Variants in CAPS2 observed in about 807,000 individuals in gnomAD.
CAPS2 encodes the protein calcyphosine 2, also known as calcyphosin-2.
Under a neutral mutation model 86.5 loss-of-function variants are expected in CAPS2, and 98 were observed. The ratio of observed to expected loss-of-function variants is 1.13; its 90% CI spans 0.96 to 1.34. The LOEUF (loss-of-function observed/expected upper bound fraction) is 1.34, where lower values mean the gene tolerates loss of function less well. CAPS2 is among the 40% of genes most tolerant of loss of function. The pLI is 0.00. For synonymous variants in CAPS2, 210 were observed against 225.1 expected (o/e 0.93, Z 0.60); for missense variants, 729 against 686.8 (o/e 1.06, Z -0.69).
chr12:75,339,979 C>G (rs1215873379), intron 1 of CAPS2, among the ~76,000 whole-genome samples: 2 of 152,064 alleles, frequency 1.3e-5, no homozygotes, highest in Non-Finnish European at 2.9e-5. Flanking sequence ...TTAGCTCCCA[C>G]TTAGAAGTGA....
At chr12:75,332,206 C>A (rs576168691), upstream of CAPS2, among the ~76,000 whole-genome samples, 1 of 152,276 alleles carries the variant, frequency 6.6e-6, no homozygotes, top group Non-Finnish European at 1.5e-5. Context: ...TTGTTACAGG[C>A]AGTTAATTTC....
Position 75,347,708 on chromosome 12 carries a change from C to T in CAPS2, c.-394-24486G>A, listed in dbSNP as rs1226035137. ...GAGCTTCAACTGCAATATTTGTATG[C>T]AACTACGGACCTGCGTGAGTTATTT... On this transcript the variant is annotated intron_variant, in intron 1 of 5. Coordinates refer to the CAPS2 transcript ENST00000551829. The T allele has an allele frequency of 1.9e-6, 3 of 1,594,902 alleles. No homozygotes were observed. In the African/African-American group the frequency reaches 4.0e-5, roughly 21 times the overall value.
chr12:75,390,846 AG>A (rs768357936), exon 1 of CAPS2: 3 of 652,290 alleles, frequency 4.6e-6, no homozygotes, highest in Admixed American at 4.2e-5. Context: ...ACGTAACACA[AG>A]TCTTTCTTTA....
In CAPS2 at chr12:75,298,864, G is replaced by A. The variant is rs1332035773; in HGVS notation, c.950+7C>T. ...CTCCAGAGTTCTAACAATGTTTAATGGCATACCTATTTTTCCCAAATTGTC... is the reference window on the plus strand; with the variant it reads ...CTCCAGAGTTCTAACAATGTTTAATAGCATACCTATTTTTCCCAAATTGTC... On this transcript the variant is annotated splice_region_variant and intron_variant, in intron 10 of 16. Transcript: ENST00000393284. 4 of 1,602,128 alleles carry A rather than the reference G, an allele frequency of 2.5e-6. No homozygotes were observed. The highest frequency in any genetic ancestry group is 3.4e-6 in the Non-Finnish European group (4 of 1,170,774).
chr12:75,339,928 C>T (rs543114486), intron 1 of CAPS2, among the ~76,000 whole-genome samples: 48 of 152,224 alleles, frequency 3.2e-4, no homozygotes, highest in Admixed American at 4.6e-4. Context: ...CCACTCTTCC[C>T]CATGAGTCCC....
intron 1 of CAPS2, among the ~76,000 whole-genome samples, chr12:75,372,449 T>C (rs765216427): frequency 2.8e-4 from 42 of 152,308 alleles, no homozygotes; most frequent in Non-Finnish European, 4.6e-4. Flanking sequence ...ATACTTCTTG[T>C]ATCTCCTGGT....
intron 7 of CAPS2, among the ~76,000 whole-genome samples, chr12:75,307,151 G>A (rs1432643157): frequency 6.6e-6 from 1 of 152,186 alleles, no homozygotes; most frequent in Non-Finnish European, 1.5e-5. Flanking sequence ...GCCCTATCTG[G>A]TCATTTGGCT....
intron 1 of CAPS2, among the ~76,000 whole-genome samples, chr12:75,349,923 T>C (rs141047627): frequency 8.0e-4 from 122 of 152,290 alleles, no homozygotes; most frequent in African/African-American, 2.8e-3. Flanking sequence ...TTAGTGGAAA[T>C]TGATTTCCTT....
chr12:75,363,432 A>G (rs1324924757), intron 1 of CAPS2, among the ~76,000 whole-genome samples: 1 of 152,146 alleles, frequency 6.6e-6, no homozygotes, highest in Non-Finnish European at 1.5e-5. Flanking sequence ...CCATGATTCA[A>G]TTTGCTGCTG....
intron 11 of CAPS2, 37 bp from the exon 12 acceptor site, chr12:75,293,404 T>G: frequency 7.6e-7 from 1 of 1,312,562 alleles, no homozygotes; most frequent in South Asian, 1.2e-5. Context: ...CTAGAAAGCA[T>G]GTAAGAAATA....
At chr12:75,283,836 T>G (rs1236562844) in intron 15 of CAPS2, among the ~76,000 whole-genome samples, 2 of 151,578 alleles carry the variant, frequency 1.3e-5, no homozygotes, top group African/African-American at 4.8e-5. Context: ...AAATAAAAGA[T>G]AGTAGGACAC....
At position 75,375,201 on chromosome 12, in the gene CAPS2, G is replaced by T. The variant is rs568300608; in HGVS notation, c.-395+15637C>A. Reference sequence around the variant, plus strand: ...TGCTAAGTATGTCTATGCCTATTACGCATTCTGGCACTGGGAAAATGACCA... The same window carrying T: ...TGCTAAGTATGTCTATGCCTATTACTCATTCTGGCACTGGGAAAATGACCA... On this transcript the variant is annotated intron_variant, in intron 1 of 5. Coordinates refer to the CAPS2 transcript ENST00000551829. Among the ~76,000 whole-genome samples, 4 of 152,226 alleles carry T rather than the reference G, an allele frequency of 2.6e-5. No homozygotes were observed. The South Asian group carries it at 8.3e-4, about 32-fold the overall frequency.
chr12:75,355,533 C>G lies in CAPS2; in HGVS notation c.-394-32311G>C, dbSNP rs1565986240. On this transcript the variant is annotated intron_variant, in intron 1 of 5. Transcript: ENST00000551829. ...TTTACACTGTTGGTGGGAATGTACA[C>G]TCCACAATAGTCAAACCATTGTAGA... Among the ~76,000 whole-genome samples, 7 of 151,958 alleles carry G rather than the reference C, an allele frequency of 4.6e-5. No homozygotes were observed. The South Asian group carries it at 1.4e-3, about 31-fold the overall frequency.
chr12:75,333,928 G>A (rs1440892481), upstream of CAPS2: 1 of 152,096 alleles, frequency 6.6e-6, no homozygotes, highest in Non-Finnish European at 1.5e-5. Context: ...GCCAAATGAC[G>A]TTGATTTATA....
At chr12:75,379,837 G>T (rs565015370) in intron 1 of CAPS2, among the ~76,000 whole-genome samples, 1 of 132,836 alleles carries the variant, frequency 7.5e-6, no homozygotes, top group Admixed American at 8.3e-5. Context: ...TTATTATTAT[G>T]ATGCATCCCT....
chr12:75,316,169 T>C (rs942740526), intron 6 of CAPS2, 143 bp downstream of exon 6: 2 of 1,013,886 alleles, frequency 2.0e-6, no homozygotes, highest in South Asian at 1.8e-5. Flanking sequence ...TTTATAAAAA[T>C]GAGGACTCAA....
At position 75,386,664 on chromosome 12, in the gene CAPS2, A is replaced by G; in HGVS notation, c.-395+4174T>C. On this transcript the variant is annotated intron_variant, in intron 1 of 5. Transcript: ENST00000551829. ...GAATTTAGGGGGACATATTCAAACA[A>G]TAGCAAAAATACAATAATTTAAAAG... Among the ~76,000 whole-genome samples, 2 of 152,202 alleles carry G rather than the reference A, an allele frequency of 1.3e-5. 1 individual carries two copies. The highest frequency in any genetic ancestry group is 2.9e-5 in the Non-Finnish European group (2 of 68,040).
chr12:75,347,717 A>G (rs1565970648), intron 1 of CAPS2: 3 of 1,585,154 alleles, frequency 1.9e-6, no homozygotes, highest in Admixed American at 3.4e-5. Context: ...GCAACTACGG[A>G]CCTGCGTGAG....
chr12:75,276,247 C>T (rs1947920737), downstream of CAPS2: 2 of 1,542,008 alleles, frequency 1.3e-6, no homozygotes, highest in Non-Finnish European at 1.8e-6. Context: ...TGCTGGTCAA[C>T]CTAGTAGTGA....
Sources: allele counts gnomAD v4.1 joint callset (sites outside exome capture counted in the v4.1 genomes callset), GRCh38; gene constraint gnomAD v4.1.1; transcripts MANE v1.5; gene names NCBI Gene and HGNC (gene_info 2026-07-23, HGNC 2026-07-21).